Variants in SMYD1 observed in about 807,000 individuals in gnomAD.
SMYD1 encodes histone-lysine N-methyltransferase SMYD1.
Under a neutral mutation model 54.0 loss-of-function variants are expected in SMYD1, and 49 were observed. The ratio of observed to expected loss-of-function variants is 0.91; its 90% CI spans 0.72 to 1.15. The LOEUF is 1.15. Ranked by LOEUF, SMYD1 falls within the 50% of genes most tolerant of loss-of-function variation. The probability of loss-of-function intolerance (pLI) is 0.00; values close to 1 mark genes in which losing one functional copy is unlikely to be tolerated. For synonymous variants in SMYD1, 269 were observed against 234.2 expected, an observed-to-expected ratio of 1.15 and a Z score of -1.36; for missense variants, 653 against 639.6, an observed-to-expected ratio of 1.02 and a Z score of -0.23.
At chr2:88,086,680 ATCAT>A (rs1292075739) in intron 2 of SMYD1, among the ~76,000 whole-genome samples, 2 of 152,160 alleles carry the variant, frequency 1.3e-5, no homozygotes, top group Non-Finnish European at 2.9e-5. Flanking sequence ...TCACTCCCCA[ATCAT>A]TAAGAATACC....
chr2:88,068,010 TGTGGGGA>T lies in SMYD1; in HGVS notation c.137+12_137+18del. On this transcript the variant is annotated intron_variant, in intron 1 of 9. Transcript: ENST00000419482. ...GCAGTGGTTTTTGACAGGTATGAAATGTGGGGAGTTGCCTTCTCTCCTGTTAGTTTGG... is the reference window on the plus strand; with the variant it reads ...GCAGTGGTTTTTGACAGGTATGAAATGTTGCCTTCTCTCCTGTTAGTTTGG... The T allele has an allele frequency of 6.2e-7, 1 of 1,609,400 alleles. No individual in the cohort carries two copies. The highest frequency in any genetic ancestry group is 8.5e-7 in the Non-Finnish European group (1 of 1,177,844).
At chr2:88,069,761 G>A (rs539783306) in intron 1 of SMYD1, among the ~76,000 whole-genome samples, 1 of 152,036 alleles carries the variant, frequency 6.6e-6, no homozygotes, top group Non-Finnish European at 1.5e-5. Flanking sequence ...ATCTATTTTC[G>A]GTTTGTTTTA....
chr2:88,104,880 G>A (rs775916404), intron 7 of SMYD1, among the ~76,000 whole-genome samples: 13 of 152,204 alleles, frequency 8.5e-5, no homozygotes, highest in African/African-American at 1.2e-4. Flanking sequence ...ACTCCAGGAC[G>A]ATTGCGGTCA....
chr2:88,097,541 G>C (rs1674621593), intron 6 of SMYD1, among the ~76,000 whole-genome samples: 1 of 152,210 alleles, frequency 6.6e-6, no homozygotes, highest in East Asian at 1.9e-4. Flanking sequence ...CTGTGCTCAG[G>C]GGGAGGATGA....
intron 1 of SMYD1, among the ~76,000 whole-genome samples, chr2:88,078,805 C>G (rs767257152): frequency 8.5e-5 from 13 of 152,258 alleles, no homozygotes; most frequent in Non-Finnish European, 1.8e-4. Context: ...TTCTCCCCAG[C>G]TCCAGCCTTG....
At chr2:88,083,238 C>T (rs1480884920) in intron 1 of SMYD1, 1 of 152,148 alleles carries the variant, frequency 6.6e-6, no homozygotes, top group East Asian at 1.9e-4. Context: ...TTCTCTTCCC[C>T]ACATTGTGGG....
Position 88,087,860 on chromosome 2 carries a change from A to AAT in SMYD1, c.315-2_315-1insAT. 6.4e-7 allele frequency: 1 copy of AAT among 1,565,472 alleles called. No homozygotes were observed. The highest frequency in any genetic ancestry group is 8.7e-7 in the Non-Finnish European group (1 of 1,155,278). On this transcript the variant is annotated splice_acceptor_variant, in intron 2 of 9. Coordinates refer to ENST00000419482, the MANE Select transcript of SMYD1 (RefSeq NM_198274.4). LOFTEE classifies it high-confidence loss of function. ...GGCCTCCTGACGCTGCCCTTCCCAC[A>AAT]GGCTGGCGGCGCGCATCATGTGGCG...
intron 1 of SMYD1, among the ~76,000 whole-genome samples, chr2:88,073,686 T>A (rs924088218): frequency 6.6e-6 from 1 of 152,188 alleles, no homozygotes; most frequent in Admixed American, 6.5e-5. Flanking sequence ...TCAAAGGAGA[T>A]CATACATTTT....
intron 9 of SMYD1, among the ~76,000 whole-genome samples, chr2:88,109,712 A>G (rs1454397789): frequency 6.6e-6 from 1 of 152,178 alleles, no homozygotes; most frequent in Non-Finnish European, 1.5e-5. Flanking sequence ...TTCCTCATCT[A>G]TAAAATGGAA....
intron 2 of SMYD1, among the ~76,000 whole-genome samples, chr2:88,085,377 C>T (rs552070292): frequency 3.9e-5 from 6 of 152,242 alleles, no homozygotes; most frequent in Non-Finnish European, 7.4e-5. Flanking sequence ...CTGGAGGTTC[C>T]GCTGGGGTGG....
chr2:88,068,854 T>G (rs1166773966), intron 1 of SMYD1, among the ~76,000 whole-genome samples: 1 of 152,216 alleles, frequency 6.6e-6, no homozygotes, highest in Non-Finnish European at 1.5e-5. Context: ...ATTTTATTTA[T>G]CCATTCCCCT....
At chr2:88,099,189 C>G (rs1276337452) in intron 6 of SMYD1, among the ~76,000 whole-genome samples, 1 of 152,198 alleles carries the variant, frequency 6.6e-6, no homozygotes, top group Admixed American at 6.5e-5. Context: ...TGGGCTCCAG[C>G]GATTCTCCTG....
intron 1 of SMYD1, among the ~76,000 whole-genome samples, chr2:88,082,069 C>T (rs966666091): frequency 5.3e-5 from 8 of 152,006 alleles, no homozygotes; most frequent in Admixed American, 5.2e-4. Context: ...ACTAAGTGGC[C>T]GGAGTTCCAT....
At chr2:88,078,215 T>C (rs959865864) in intron 1 of SMYD1, among the ~76,000 whole-genome samples, 3 of 152,324 alleles carry the variant, frequency 2.0e-5, no homozygotes, top group Admixed American at 6.5e-5. Flanking sequence ...GTCCACTGAG[T>C]ACTTATCCAG....
chr2:88,103,253 G>A, intron 7 of SMYD1, 103 bp downstream of exon 7: 1 of 806,264 alleles, frequency 1.2e-6, no homozygotes, highest in Non-Finnish European at 2.0e-6. Flanking sequence ...GGGGAGGGGG[G>A]CTACCAAGCA....
At position 88,088,059 on chromosome 2, in the gene SMYD1, C is replaced by T. The variant is rs372467258; in HGVS notation, c.512C>T (p.Ser171Leu). 40 of 1,613,716 alleles carry T rather than the reference C, an allele frequency of 2.5e-5. No homozygotes were observed. In the African/African-American group the frequency reaches 3.2e-4, roughly 13 times the overall value. ...QSQQFSMQYI[S>L]HIFGVINCNG... The stretch of plus-strand genomic sequence containing the variant: ...CAGCAGTTCAGCATGCAGTACATCT[C>T]GCACATCTTCGGAGTGGTAGGCCCC... Residue 171 changes from serine (S) to leucine (L), a missense_variant, in exon 3 of 10, where the codon TCG becomes TTG. Ser to Leu is a moderately radical substitution (Grantham distance 145). Coordinates refer to ENST00000419482, the MANE Select transcript of SMYD1 (RefSeq NM_198274.4).
intron 1 of SMYD1, among the ~76,000 whole-genome samples, chr2:88,082,266 A>G (rs929531762): frequency 2.0e-5 from 3 of 152,208 alleles, no homozygotes; most frequent in Non-Finnish European, 4.4e-5. Context: ...AGCTGTTACT[A>G]TGAGGATAAC....
chr2:88,084,621 A>C, intron 2 of SMYD1, 129 bp downstream of exon 2: 1 of 827,174 alleles, frequency 1.2e-6, no homozygotes, highest in Non-Finnish European at 1.8e-6. Flanking sequence ...CAAAGACTGG[A>C]TATGGTCACT....
intron 2 of SMYD1, among the ~76,000 whole-genome samples, chr2:88,086,898 T>C (rs1336403196): frequency 1.3e-5 from 2 of 150,740 alleles, no homozygotes; most frequent in Non-Finnish European, 3.0e-5. Flanking sequence ...GTTAGTTACA[T>C]ATGTATACAT....
Sources: allele counts gnomAD v4.1 joint callset (sites outside exome capture counted in the v4.1 genomes callset), GRCh38; gene constraint gnomAD v4.1.1; transcripts MANE v1.5; gene names NCBI Gene and HGNC (gene_info 2026-07-23, HGNC 2026-07-21).